The following TRIM45 variants were observed in gnomAD, a reference collection of about 807,000 sequenced individuals.
TRIM45 encodes tripartite motif containing 45.
TRIM45 carries 45 observed loss-of-function variants against 46.7 expected under a neutral mutation model. The observed-to-expected ratio is 0.96, with a 90% CI of 0.76 to 1.24. The LOEUF is 1.24. Ranked by LOEUF, TRIM45 falls within the 50% of genes most tolerant of loss-of-function variation. The pLI is 0.00. For synonymous variants in TRIM45, 259 were observed against 285.8 expected (o/e 0.91, Z 0.94); for missense variants, 680 against 728.4 (o/e 0.93, Z 0.77).
At position 117,112,225 on chromosome 1, in the gene TRIM45, T is replaced by C; in HGVS notation, c.*80A>G. The C allele has an allele frequency of 7.3e-7, 1 of 1,377,608 alleles. No individual in the cohort carries two copies. The highest frequency in any genetic ancestry group is 9.5e-7 in the Non-Finnish European group (1 of 1,049,870). 85.3% of individuals were successfully genotyped at this position (1,377,608 alleles called of 1,614,324 possible). A position where few individuals can be genotyped will look rare whatever the true frequency, so the allele number is the denominator to read the frequency against. On this transcript the variant is annotated 3_prime_UTR_variant, in exon 6 of 6. Transcript: ENST00000256649. Reference sequence around the variant, plus strand: ...TTTGTTTTTAATTCTATCAGTCTCTTTAGAATGAACGAAGGTCTGGGTCCT... The same window carrying C: ...TTTGTTTTTAATTCTATCAGTCTCTCTAGAATGAACGAAGGTCTGGGTCCT...
In TRIM45 at chr1:117,116,590, A is replaced by G. The variant is rs757690873; in HGVS notation, c.1352+26T>C. ...CCAGTTTTCTCACTGCCTGTTATCCATGACACCTAATTGTGTCATACAAAC... is the reference window on the plus strand; with the variant it reads ...CCAGTTTTCTCACTGCCTGTTATCCGTGACACCTAATTGTGTCATACAAAC... On this transcript the variant is annotated intron_variant, in intron 3 of 5. Coordinates refer to ENST00000256649, the MANE Select transcript of TRIM45 (RefSeq NM_025188.4). This position sits in a 1 kb window ranked among gnomAD's most constrained non-coding sequence, Gnocchi z 4.6. 1 of 1,611,440 alleles carries G rather than the reference A, an allele frequency of 6.2e-7. No individual in the cohort carries two copies. Among genetic ancestry groups the G allele is most frequent in the Non-Finnish European group, 8.5e-7 (1 of 1,178,860 alleles).
In TRIM45 at chr1:117,121,318, G is replaced by T; in HGVS notation, c.-117C>A. On this transcript the variant is annotated 5_prime_UTR_variant, in exon 1 of 6. Coordinates refer to ENST00000256649, the MANE Select transcript of TRIM45 (RefSeq NM_025188.4). This position sits in a 1 kb window ranked among gnomAD's most constrained non-coding sequence, Gnocchi z 4.2. ...CCAGAACTTGAACAGAGACCATGGG[G>T]ACTCCCTCGCTGACAAATAAAAGGG... The T allele has an allele frequency of 7.9e-7, 1 of 1,271,626 alleles. No homozygotes were observed. Among genetic ancestry groups the T allele is most frequent in the Non-Finnish European group, 1.1e-6 (1 of 933,070 alleles). 78.8% of individuals were successfully genotyped at this position (1,271,626 alleles called of 1,614,324 possible).
rs183042756 is a variant in TRIM45 at position 117,111,856 on chromosome 1, G to A, written c.*449C>T. 465 of 151,704 alleles carry A rather than the reference G, an allele frequency of 3.1e-3. 1 individual carries two copies. Among genetic ancestry groups the A allele is most frequent in the Non-Finnish European group, 5.4e-3 (372 of 68,460 alleles). 9.4% of individuals were successfully genotyped at this position (151,704 alleles called of 1,614,324 possible). On this transcript the variant is annotated 3_prime_UTR_variant, in exon 6 of 6. Coordinates refer to ENST00000256649, the MANE Select transcript of TRIM45 (RefSeq NM_025188.4). ...CCAGCTACTCGGGACACCAAGGCACGAGAATCATTTGAACCGGGAGGCAGA... is the reference window on the plus strand; with the variant it reads ...CCAGCTACTCGGGACACCAAGGCACAAGAATCATTTGAACCGGGAGGCAGA...
At chr1:117,120,168 C>G (rs528186085) in intron 1 of TRIM45, among the ~76,000 whole-genome samples, 1 of 152,276 alleles carries the variant, frequency 6.6e-6, no homozygotes, top group Non-Finnish European at 1.5e-5. Flanking sequence ...TGAGGTCCGG[C>G]CAATCATCAT....
chr1:117,119,609 GAAAAA>G (rs200320074), intron 1 of TRIM45, among the ~76,000 whole-genome samples: 4 of 133,010 alleles, frequency 3.0e-5, no homozygotes, highest in African/African-American at 1.1e-4. Flanking sequence ...CTCCATCTCA[GAAAAA>G]AAAAAAAAGA....
Position 117,118,484 on chromosome 1 carries a change from G to C in TRIM45, c.772C>G (p.Gln258Glu), listed in dbSNP as rs779049809. 6.2e-7 allele frequency: 1 copy of C among 1,614,088 alleles called. No homozygotes were observed. Among genetic ancestry groups the C allele is most frequent in the Non-Finnish European group, 8.5e-7 (1 of 1,180,020 alleles). Reference sequence around the variant, plus strand: ...AGGGCACTGTTTATTATGTGGATCTGAGCCAGGGCTTCCTCCAGGGCCTCC... The same window carrying C: ...AGGGCACTGTTTATTATGTGGATCTCAGCCAGGGCTTCCTCCAGGGCCTCC... ...HVEALEEALAQIHIINSALQK... is the reference protein window; with the variant it reads ...HVEALEEALAEIHIINSALQK... The change falls in exon 2 of 6, where the codon CAG (glutamine) becomes GAG (glutamate). Residue 258 changes from glutamine to glutamate, a missense_variant. Physicochemically the swap from Gln to Glu is conservative, Grantham distance 29. Around this residue, in one of 3 missense-constraint regions of TRIM45, gnomAD observed 349 missense variants for 343.6 expected, o/e 1.02. Transcript: ENST00000256649. This position sits in a 1 kb window ranked among gnomAD's most constrained non-coding sequence, Gnocchi z 5.7.
At position 117,115,083 on chromosome 1, in the gene TRIM45, G is replaced by GT. The variant is rs1218777833; in HGVS notation, c.1467+491dup. Among the ~76,000 whole-genome samples, 1 of 152,162 alleles carries GT rather than the reference G, an allele frequency of 6.6e-6. No homozygotes were observed. The highest frequency in any genetic ancestry group is 1.9e-4 in the East Asian group (1 of 5,202). ...TATTTGTTTGTTTATAGGAACCATA[G>GT]TAACAGAAAAACCTATATGTAAAAC... On this transcript the variant is annotated intron_variant, in intron 4 of 5. Coordinates refer to ENST00000256649, the MANE Select transcript of TRIM45 (RefSeq NM_025188.4). The surrounding 1 kb of genome is among the most constrained non-coding windows in gnomAD (Gnocchi z 4.2).
At chr1:117,122,364 C>T (rs1317923538), upstream of TRIM45, 2 of 152,396 alleles carry the variant, frequency 1.3e-5, no homozygotes, top group East Asian at 1.9e-4. Context: ...CGCGGCTCCC[C>T]GACTTTGGGT....
Position 117,115,053 on chromosome 1 carries a change from T to G in TRIM45, c.1467+522A>C, listed in dbSNP as rs1489354133. On this transcript the variant is annotated intron_variant, in intron 4 of 5. Coordinates refer to ENST00000256649, the MANE Select transcript of TRIM45 (RefSeq NM_025188.4). This position sits in a 1 kb window ranked among gnomAD's most constrained non-coding sequence, Gnocchi z 4.2. ...AGAAACCATGGTAACGTAACTTGTT[T>G]GGTATATTTGTTTGTTTATAGGAAC... 6.6e-6 allele frequency among the ~76,000 whole-genome samples: 1 copy of G among 152,156 alleles called. No individual in the cohort carries two copies. Among genetic ancestry groups the G allele is most frequent in the Non-Finnish European group, 1.5e-5 (1 of 68,036 alleles).
chr1:117,119,133 G>A (rs976982394), intron 1 of TRIM45, among the ~76,000 whole-genome samples: 1 of 152,216 alleles, frequency 6.6e-6, no homozygotes, highest in East Asian at 1.9e-4. Flanking sequence ...CAGAAAACCA[G>A]CATCAAGAAA....
At chr1:117,112,662 A>G (rs1361236381) in intron 5 of TRIM45, among the ~76,000 whole-genome samples, 1 of 152,236 alleles carries the variant, frequency 6.6e-6, no homozygotes. Flanking sequence ...AACTCATGTT[A>G]GCCGGAGTTC....
upstream of TRIM45, chr1:117,122,136 G>T: frequency 3.3e-6 from 1 of 301,254 alleles, no homozygotes; most frequent in South Asian, 7.9e-5. Context: ...CTCGTCCCAC[G>T]AACGCAGACT....
upstream of TRIM45, chr1:117,121,784 GGCGA>G: frequency 1.4e-6 from 1 of 707,540 alleles, no homozygotes; most frequent in Non-Finnish European, 2.6e-6. This position sits in a 1 kb window ranked among gnomAD's most constrained non-coding sequence, Gnocchi z 4.2. Context: ...GGTCTACTCC[GGCGA>G]GTCCAATCAC....
chr1:117,121,479 C>T lies in TRIM45; in HGVS notation c.-278G>A, dbSNP rs369832253. 2.9e-5 allele frequency: 15 copies of T among 519,990 alleles called. No homozygotes were observed. Among genetic ancestry groups the T allele is most frequent in the East Asian group, 1.6e-4 (5 of 31,580 alleles). The allele number at this position is 519,990 out of a possible 1,614,324, so 32.2% of individuals were successfully genotyped here. A position where few individuals can be genotyped will look rare whatever the true frequency, so the allele number is the denominator to read the frequency against. ...CGCAAGTCCTCCCCGGATGCGCTTC[C>T]AGGTCTAGCTCTCCAGCTAGTCCTG... On this transcript the variant is annotated 5_prime_UTR_variant, in exon 1 of 6. Coordinates refer to ENST00000256649, the MANE Select transcript of TRIM45 (RefSeq NM_025188.4). The surrounding 1 kb of genome is among the most constrained non-coding windows in gnomAD (Gnocchi z 4.2).
rs1048635 is a variant in TRIM45 at position 117,112,236 on chromosome 1, G to A, written c.*69C>T. On this transcript the variant is annotated 3_prime_UTR_variant, in exon 6 of 6. Coordinates refer to ENST00000256649, the MANE Select transcript of TRIM45 (RefSeq NM_025188.4). ...TTCTATCAGTCTCTTTAGAATGAAC[G>A]AAGGTCTGGGTCCTCTGGAAATCTC... The A allele has an allele frequency of 0.052, 73,153 of 1,406,222 alleles. 1,980 individuals are homozygous for A. Among genetic ancestry groups the A allele is most frequent in the South Asian group, 0.071 (3,856 of 53,976 alleles). 87.1% of individuals were successfully genotyped at this position (1,406,222 alleles called of 1,614,324 possible).
chr1:117,120,601 C>T lies in TRIM45; in HGVS notation c.488+113G>A, dbSNP rs919529760. The stretch of plus-strand genomic sequence containing the variant: ...TTGCATTGTTATATTGCTCTTTGAC[C>T]TTCCACGGTATTTGAGAAGGCTTTC... On this transcript the variant is annotated intron_variant, in intron 1 of 5. Coordinates refer to ENST00000256649, the MANE Select transcript of TRIM45 (RefSeq NM_025188.4). 87 of 1,450,806 alleles carry T rather than the reference C, an allele frequency of 6.0e-5. No individual in the cohort carries two copies. The South Asian group carries it at 9.5e-4, about 16-fold the overall frequency. The allele number at this position is 1,450,806 out of a possible 1,614,324, so 89.9% of individuals were successfully genotyped here. A position where few individuals can be genotyped will look rare whatever the true frequency, so the allele number is the denominator to read the frequency against.
Position 117,116,540 on chromosome 1 carries a change from C to T in TRIM45, c.1352+76G>A. ...AGGCATGAGCCACTGTGCCCAGCTC[C>T]AATATCTTAAAGGACCTCATGTTTC... On this transcript the variant is annotated intron_variant, in intron 3 of 5. Coordinates refer to ENST00000256649, the MANE Select transcript of TRIM45 (RefSeq NM_025188.4). The surrounding 1 kb of genome is among the most constrained non-coding windows in gnomAD (Gnocchi z 4.6). 1 of 1,571,012 alleles carries T rather than the reference C, an allele frequency of 6.4e-7. No individual in the cohort carries two copies. The highest frequency in any genetic ancestry group is 1.4e-5 in the African/African-American group (1 of 74,030).
chr1:117,121,721 C>A lies in TRIM45; in HGVS notation c.-520G>T. The A allele has an allele frequency of 3.4e-6, 2 of 592,702 alleles. No homozygotes were observed. The highest frequency in any genetic ancestry group is 2.0e-5 in the African/African-American group (1 of 50,748). The allele number at this position is 592,702 out of a possible 1,614,324, so 36.7% of individuals were successfully genotyped here. On this transcript the variant is annotated 5_prime_UTR_variant, in exon 1 of 6. It adds an upstream start codon to the 5' untranslated region. Transcript: ENST00000256649. The surrounding 1 kb of genome is among the most constrained non-coding windows in gnomAD (Gnocchi z 4.2). ...TCGGTGTCCACCGCCTCTCCCGCGCCTCGGCCCGGGACGCCCGCGGGCTCT... is the reference window on the plus strand; with the variant it reads ...TCGGTGTCCACCGCCTCTCCCGCGCATCGGCCCGGGACGCCCGCGGGCTCT...
chr1:117,121,967 G>A (rs1650661721), upstream of TRIM45: 2 of 619,054 alleles, frequency 3.2e-6, no homozygotes, highest in Non-Finnish European at 3.0e-6. The surrounding 1 kb of genome is among the most constrained non-coding windows in gnomAD (Gnocchi z 4.2). Flanking sequence ...AGAGTGCGGC[G>A]GGAGGAAAAG....
Sources: gnomAD v4.1 joint callset for allele counts (sites outside exome capture counted in the v4.1 genomes callset) on GRCh38, gnomAD v4.1.1 for gene constraint, gnomAD v4.1.1 regional missense constraint, Gnocchi (gnomAD v3.1) non-coding constraint, MANE v1.5 for transcripts, NCBI Gene and HGNC (gene_info 2026-07-23, HGNC 2026-07-21) for gene names.